GPR149: variants seen among roughly 807,000 people sequenced by gnomAD.
The protein encoded by GPR149 is probable G protein-coupled receptor 149.
A neutral mutation model predicts 50.2 loss-of-function variants in GPR149; 50 were observed. The ratio of observed to expected loss-of-function variants is 1.00; its 90% CI spans 0.79 to 1.26. GPR149 has a LOEUF of 1.26. Among genes scored for constraint, GPR149 ranks in the 50% most tolerant of loss-of-function variants. The probability of loss-of-function intolerance (pLI) is 0.00; values close to 1 mark genes in which losing one functional copy is unlikely to be tolerated. For synonymous variants in GPR149, 405 were observed against 358.2 expected, an observed-to-expected ratio of 1.13 and a Z score of -1.48; for missense variants, 983 against 895.4, an observed-to-expected ratio of 1.10 and a Z score of -1.25.
intron 3 of GPR149, among the ~76,000 whole-genome samples, chr3:154,400,273 AC>A (rs539620065): frequency 1.1e-3 from 162 of 152,308 alleles, no homozygotes; most frequent in African/African-American, 3.8e-3. Flanking sequence ...GGGGTGAGCC[AC>A]CGCGCCCGGC....
chr3:154,422,379 T>C (rs1712171359), intron 2 of GPR149, among the ~76,000 whole-genome samples: 1 of 151,740 alleles, frequency 6.6e-6, no homozygotes. Flanking sequence ...AATGAAGTTA[T>C]ATCAAGGTGG....
chr3:154,371,505 C>T (rs1479921874), intron 3 of GPR149, among the ~76,000 whole-genome samples: 1 of 152,046 alleles, frequency 6.6e-6, no homozygotes, highest in Admixed American at 6.6e-5. Context: ...TAACCTCCAC[C>T]ACCAATTTAT....
intron 3 of GPR149, among the ~76,000 whole-genome samples, chr3:154,413,899 G>A (rs183741119): frequency 6.6e-6 from 1 of 151,096 alleles, no homozygotes; most frequent in African/African-American, 2.4e-5. Context: ...ATATGGAACT[G>A]GCCCAAAAGC....
intron 3 of GPR149, among the ~76,000 whole-genome samples, chr3:154,368,038 C>T (rs1299872871): frequency 6.6e-6 from 1 of 152,152 alleles, no homozygotes; most frequent in African/African-American, 2.4e-5. Context: ...GGGCTGGGAA[C>T]GTTGGTTAGT....
chr3:154,352,613 CA>C, intron 3 of GPR149: 2 of 777,630 alleles, frequency 2.6e-6, no homozygotes, highest in South Asian at 2.7e-5. Flanking sequence ...GACTGTGGTT[CA>C]AAACTTGATG....
In GPR149 at chr3:154,428,726, T is replaced by A. The variant is rs1276800205; in HGVS notation, c.890A>T (p.Tyr297Phe). 1 of 1,614,028 alleles carries A rather than the reference T, an allele frequency of 6.2e-7. No individual in the cohort carries two copies. Among genetic ancestry groups the A allele is most frequent in the South Asian group, 1.1e-5 (1 of 91,066 alleles). ...GCTCACGGTGAAGCTCCTGGTGCCA[T>A]AGAGAGTCCCCCGGTTCTCACGCCT... ...ACRRENRGTL[Y>F]GTRSFTVSVA... is the part of the protein sequence containing the mutation. The change falls in exon 1 of 4, where the codon TAT (tyrosine) becomes TTT (phenylalanine). Residue 297 changes from tyrosine (Y) to phenylalanine (F), a missense_variant. Transcript: ENST00000389740.
intron 3 of GPR149, among the ~76,000 whole-genome samples, chr3:154,384,390 G>A (rs1340567926): frequency 1.3e-5 from 2 of 152,126 alleles, no homozygotes; most frequent in African/African-American, 4.8e-5. Context: ...TACCTCTACA[G>A]CTGTTCTAAA....
At chr3:154,348,413 T>C (rs552035916) in intron 3 of GPR149, among the ~76,000 whole-genome samples, 1 of 152,198 alleles carries the variant, frequency 6.6e-6, no homozygotes, top group South Asian at 2.1e-4. Context: ...AAAAAGAAGA[T>C]ATATCATGCA....
chr3:154,352,255 C>T (rs1282291957), intron 3 of GPR149: 1 of 848,452 alleles, frequency 1.2e-6, no homozygotes, highest in African/African-American at 1.7e-5. Context: ...CCTGATAGGC[C>T]ACCAGATGGA....
intron 3 of GPR149, among the ~76,000 whole-genome samples, chr3:154,392,690 T>C (rs1195242594): frequency 6.6e-6 from 1 of 150,396 alleles, no homozygotes; most frequent in Non-Finnish European, 1.5e-5. Context: ...CACTAGTAGA[T>C]TAAAAAAAAA....
At chr3:154,361,057 T>G (rs530527441) in intron 3 of GPR149, among the ~76,000 whole-genome samples, 90 of 152,268 alleles carry the variant, frequency 5.9e-4, no homozygotes, top group Admixed American at 8.5e-4. Context: ...CGGAAAATTC[T>G]TTTCTAAAAT....
chr3:154,375,537 A>G (rs192617948), intron 3 of GPR149, among the ~76,000 whole-genome samples: 270 of 152,370 alleles, frequency 1.8e-3, no homozygotes, highest in Non-Finnish European at 2.6e-3. Context: ...ACTGAAATTT[A>G]TCATGAATAA....
intron 3 of GPR149, among the ~76,000 whole-genome samples, chr3:154,364,773 A>G (rs1174778122): frequency 6.6e-6 from 1 of 152,210 alleles, no homozygotes. Flanking sequence ...TCCCACCCCC[A>G]TGGCTTTGCT....
At chr3:154,428,602 A>G in intron 1 of GPR149, 33 bp downstream of exon 1, 1 of 1,591,390 alleles carries the variant, frequency 6.3e-7, no homozygotes, top group Non-Finnish European at 8.6e-7. Context: ...TCTGGCACAC[A>G]CACTCGCGCT....
chr3:154,367,937 C>A (rs1362513434), intron 3 of GPR149, among the ~76,000 whole-genome samples: 1 of 152,160 alleles, frequency 6.6e-6, no homozygotes, highest in East Asian at 1.9e-4. Flanking sequence ...CACCTGTCAG[C>A]CACTTAAAGG....
chr3:154,358,131 G>T (rs1714285336), intron 3 of GPR149, among the ~76,000 whole-genome samples: 1 of 151,890 alleles, frequency 6.6e-6, no homozygotes, highest in African/African-American at 2.4e-5. Context: ...CACACACTGG[G>T]GCCTGTTGTG....
chr3:154,341,276 C>G (rs1407386789), intron 3 of GPR149, among the ~76,000 whole-genome samples: 1 of 62,196 alleles, frequency 1.6e-5, no homozygotes, highest in African/African-American at 6.3e-5. Context: ...TGCAAAAAAT[C>G]AAGAAAAAAA....
At chr3:154,352,174 G>A (rs1042942295) in intron 3 of GPR149, 4 of 775,000 alleles carry the variant, frequency 5.2e-6, no homozygotes, top group South Asian at 2.2e-5. Flanking sequence ...CTTCTTGATC[G>A]AGTTCTATTC....
chr3:154,338,654 C>T (rs996658240), intron 3 of GPR149, among the ~76,000 whole-genome samples: 10 of 152,076 alleles, frequency 6.6e-5, no homozygotes, highest in South Asian at 2.1e-4. Flanking sequence ...TACATTAAAA[C>T]GTTTGCAAAA....
Sources: gnomAD v4.1 joint callset for allele counts (sites outside exome capture counted in the v4.1 genomes callset) on GRCh38, gnomAD v4.1.1 for gene constraint, MANE v1.5 for transcripts, NCBI Gene and HGNC (gene_info 2026-07-23, HGNC 2026-07-21) for gene names.